The following CPD variants were observed in gnomAD, a reference collection of about 807,000 sequenced individuals.
CPD encodes the protein carboxypeptidase D.
Under a neutral mutation model 138.3 loss-of-function variants are expected in CPD, and 69 were observed. The observed-to-expected ratio is 0.50, with a 90% CI of 0.41 to 0.61. CPD has a LOEUF of 0.61. CPD is among the 20% of genes least tolerant of loss of function. The pLI is 0.00. For missense variants in CPD, 1,432 were observed against 1,733.3 expected, an observed-to-expected ratio of 0.83 and a Z score of 3.09; for synonymous variants, 651 against 642.1, an observed-to-expected ratio of 1.01 and a Z score of -0.21.
chr17:30,391,464 G>C (rs1911355356), intron 2 of CPD, among the ~76,000 whole-genome samples: 1 of 152,186 alleles, frequency 6.6e-6, no homozygotes, highest in Non-Finnish European at 1.5e-5. Flanking sequence ...GGAAGGGCAG[G>C]CAACGTATAG....
intron 12 of CPD, 141 bp downstream of exon 12, chr17:30,446,161 G>A: frequency 3.2e-6 from 2 of 620,434 alleles, no homozygotes; most frequent in Non-Finnish European, 5.5e-6. Flanking sequence ...TTTGCAACAT[G>A]TATTTGCTTG....
chr17:30,411,249 C>T (rs1466201278), intron 2 of CPD, among the ~76,000 whole-genome samples: 1 of 152,204 alleles, frequency 6.6e-6, no homozygotes, highest in Non-Finnish European at 1.5e-5. Flanking sequence ...ATGGGCTTCC[C>T]TTTGTGGGTA....
chr17:30,423,166 A>G (rs1387406869), intron 5 of CPD, 143 bp downstream of exon 5: 1 of 658,656 alleles, frequency 1.5e-6, no homozygotes, highest in African/African-American at 1.8e-5. Context: ...GAAAGCAAAA[A>G]AGAAAATGTA....
At chr17:30,411,839 A>G (rs868485688) in intron 2 of CPD, among the ~76,000 whole-genome samples, 1 of 152,180 alleles carries the variant, frequency 6.6e-6, no homozygotes, top group Admixed American at 6.5e-5. Flanking sequence ...GTTATTACCA[A>G]CCTTCGGAAG....
At chr17:30,417,257 G>A (rs1912135240) in intron 2 of CPD, among the ~76,000 whole-genome samples, 1 of 152,100 alleles carries the variant, frequency 6.6e-6, no homozygotes, top group Non-Finnish European at 1.5e-5. Flanking sequence ...TTACGAGAAA[G>A]CAGGGACCTT....
intron 2 of CPD, among the ~76,000 whole-genome samples, chr17:30,386,983 C>G (rs1482532637): frequency 1.3e-5 from 2 of 152,188 alleles, no homozygotes; most frequent in Non-Finnish European, 2.9e-5. Context: ...AGTAGAATTG[C>G]TGGGTCAAAT....
At chr17:30,464,264 G>A (rs1379893022) in intron 20 of CPD, among the ~76,000 whole-genome samples, 3 of 151,978 alleles carry the variant, frequency 2.0e-5, no homozygotes, top group Admixed American at 6.6e-5. Context: ...GTGGTGGCAT[G>A]CACCTGTGGT....
At chr17:30,416,131 G>A (rs58529189) in intron 2 of CPD, among the ~76,000 whole-genome samples, 24 of 152,242 alleles carry the variant, frequency 1.6e-4, no homozygotes, top group African/African-American at 5.1e-4. Context: ...TCAGGAGTTC[G>A]AGACCAGCCT....
intron 1 of CPD, among the ~76,000 whole-genome samples, chr17:30,384,314 T>C (rs985121496): frequency 1.3e-5 from 2 of 152,186 alleles, no homozygotes; most frequent in African/African-American, 2.4e-5. Context: ...ACACAAAATA[T>C]CCTTTTAAAA....
chr17:30,449,507 T>C, intron 12 of CPD, 46 bp from the exon 13 acceptor site: 1 of 1,488,516 alleles, frequency 6.7e-7, no homozygotes, highest in Non-Finnish European at 9.0e-7. Flanking sequence ...AACATTAACA[T>C]AGTGCTTGAT....
At chr17:30,389,062 T>A (rs748327987) in intron 2 of CPD, among the ~76,000 whole-genome samples, 6 of 152,170 alleles carry the variant, frequency 3.9e-5, no homozygotes, top group African/African-American at 1.2e-4. Flanking sequence ...CAGCTCCGCA[T>A]AGGGGTTCCT....
intron 6 of CPD, among the ~76,000 whole-genome samples, chr17:30,424,583 A>G (rs1316785984): frequency 6.6e-6 from 1 of 152,230 alleles, no homozygotes; most frequent in Non-Finnish European, 1.5e-5. Context: ...TTATTTCATA[A>G]GTGAAAAACC....
intron 2 of CPD, among the ~76,000 whole-genome samples, chr17:30,406,452 G>A (rs1911802844): frequency 6.6e-6 from 1 of 152,020 alleles, no homozygotes; most frequent in Non-Finnish European, 1.5e-5. Context: ...CTCCCTACTT[G>A]CTACCTGGGG....
At chr17:30,430,951 G>A (rs919556917) in intron 7 of CPD, among the ~76,000 whole-genome samples, 4 of 152,214 alleles carry the variant, frequency 2.6e-5, no homozygotes, top group Middle Eastern at 3.4e-3. Flanking sequence ...ACTACTGTAC[G>A]CAGCCCCTGT....
intron 2 of CPD, among the ~76,000 whole-genome samples, chr17:30,385,504 GCACA>G (rs34290313): frequency 0.39 from 56,300 of 144,194 alleles, 11,526 homozygotes; most frequent in East Asian, 0.71. Flanking sequence ...GTATGTGCAT[GCACA>G]CACACACACA....
rs1053774477 is a variant in CPD, at chr17:30,378,955, G to T, written c.-26G>T. On this transcript the variant is annotated 5_prime_UTR_variant, in exon 1 of 21. Coordinates refer to ENST00000225719, the MANE Select transcript of CPD (RefSeq NM_001304.5). ...CGGAGCGCTGAGCCGCGGGAGCGGA[G>T]CCGGGGTTAGCGGCGCTGCTGGAAG... The T allele has an allele frequency of 1.4e-5, 20 of 1,462,524 alleles. No individual in the cohort carries two copies. Among genetic ancestry groups the T allele is most frequent in the Non-Finnish European group, 1.8e-5 (20 of 1,120,314 alleles). 90.6% of individuals were successfully genotyped at this position (1,462,524 alleles called of 1,614,324 possible).
intron 12 of CPD, chr17:30,447,659 G>A (rs1567881604): frequency 2.0e-5 from 3 of 151,936 alleles, no homozygotes; most frequent in Non-Finnish European, 1.5e-5. Context: ...AGAAAATGAA[G>A]CCTAGTTGCT....
At chr17:30,444,060 C>T in intron 11 of CPD, 89 bp downstream of exon 11, 3 of 1,382,192 alleles carry the variant, frequency 2.2e-6, no homozygotes, top group Non-Finnish European at 3.0e-6. Flanking sequence ...TCTAGAGAGC[C>T]TGTTAAGCAA....
rs553999421 is a variant in CPD, at chr17:30,397,581, TA to T, written c.994+12352del. Among the ~76,000 whole-genome samples the T allele has an allele frequency of 1.6e-4, 24 of 149,840 alleles. No homozygotes were observed. In the South Asian group the frequency reaches 4.9e-3, roughly 30 times the overall value. On this transcript the variant is annotated intron_variant, in intron 2 of 20. Coordinates refer to ENST00000225719, the MANE Select transcript of CPD (RefSeq NM_001304.5). The stretch of plus-strand genomic sequence containing the variant: ...GATATGTCTCTACAAAAAGTAAAAA[TA>T]AAAAAATTAGCCAGGCATGGTGGTG...
Sources: gnomAD v4.1 joint callset for allele counts (sites outside exome capture counted in the v4.1 genomes callset) on GRCh38, gnomAD v4.1.1 for gene constraint, MANE v1.5 for transcripts, NCBI Gene and HGNC (gene_info 2026-07-23, HGNC 2026-07-21) for gene names.